KAZN: variants seen among roughly 807,000 people sequenced by gnomAD.
KAZN encodes kazrin, periplakin interacting protein.
Under a neutral mutation model 87.4 loss-of-function variants are expected in KAZN, and 40 were observed. The observed-to-expected ratio is 0.46, with a 90% confidence interval of 0.36 to 0.60. KAZN has a LOEUF of 0.60. KAZN is among the 20% of genes least tolerant of loss of function. The pLI is 0.00. For synonymous variants in KAZN, 466 were observed against 458.3 expected (o/e 1.02, Z -0.22); for missense variants, 898 against 1,073.9 (o/e 0.84, Z 2.29).
At chr1:13,954,167 GCA>G (rs1473388421) in intron 1 of KAZN, among the ~76,000 whole-genome samples, 1 of 152,174 alleles carries the variant, frequency 6.6e-6, no homozygotes, top group African/African-American at 2.4e-5. Flanking sequence ...TTGCGCCACT[GCA>G]CTCCAGCCTG....
At chr1:14,547,119 C>T (rs1311759196) in intron 2 of KAZN, among the ~76,000 whole-genome samples, 1 of 152,176 alleles carries the variant, frequency 6.6e-6, no homozygotes, top group Non-Finnish European at 1.5e-5. Flanking sequence ...CCTGCATCAG[C>T]CTCTTCCCCT....
chr1:14,406,184 G>A (rs1302198259), intron 2 of KAZN, among the ~76,000 whole-genome samples: 1 of 152,062 alleles, frequency 6.6e-6, no homozygotes, highest in East Asian at 1.9e-4. Flanking sequence ...CACATTGCGT[G>A]CCCGTCTCAA....
chr1:14,137,581 C>A (rs971361108), intron 1 of KAZN, among the ~76,000 whole-genome samples: 1 of 151,300 alleles, frequency 6.6e-6, no homozygotes, highest in African/African-American at 2.4e-5. Context: ...TCCTCATCTG[C>A]AAAATAAGAA....
chr1:13,897,352 A>ATG (rs1435550526), intron 1 of KAZN, among the ~76,000 whole-genome samples: 1 of 152,194 alleles, frequency 6.6e-6, no homozygotes, highest in Non-Finnish European at 1.5e-5. Flanking sequence ...TATGTGGCAC[A>ATG]ATGTGAAAGG....
At chr1:14,054,265 G>A (rs767583718) in intron 1 of KAZN, among the ~76,000 whole-genome samples, 19 of 152,088 alleles carry the variant, frequency 1.2e-4, no homozygotes, top group African/African-American at 7.2e-5. Flanking sequence ...CATACTTACT[G>A]TTATATTCAT....
At chr1:14,909,454 C>T (rs1175333729) in intron 1 of KAZN, among the ~76,000 whole-genome samples, 1 of 152,222 alleles carries the variant, frequency 6.6e-6, no homozygotes, top group Admixed American at 6.5e-5. Flanking sequence ...AATTTCCTCC[C>T]ACCTAACTCG....
At chr1:14,680,907 C>G (rs1386236893) in intron 1 of KAZN, among the ~76,000 whole-genome samples, 1 of 152,202 alleles carries the variant, frequency 6.6e-6, no homozygotes, top group African/African-American at 2.4e-5. Flanking sequence ...GTTCTGCAGG[C>G]TCTACAAGAA....
chr1:14,077,285 C>G (rs1451734431), intron 1 of KAZN, among the ~76,000 whole-genome samples: 1 of 152,164 alleles, frequency 6.6e-6, no homozygotes, highest in Non-Finnish European at 1.5e-5. Flanking sequence ...TGGGACTCTT[C>G]TCTCCTAAAA....
chr1:14,600,139 CA>C (rs1676843819), intron 1 of KAZN, among the ~76,000 whole-genome samples: 1 of 151,872 alleles, frequency 6.6e-6, no homozygotes, highest in South Asian at 2.1e-4. Context: ...CTTTAAGAAA[CA>C]GTATCACTGG....
intron 2 of KAZN, among the ~76,000 whole-genome samples, chr1:14,563,874 C>CCTTTTTTTTTTTTTTTTTT (rs1674392676): frequency 5.1e-5 from 5 of 97,930 alleles, no homozygotes; most frequent in Non-Finnish European, 8.1e-5. Context: ...GTTCAAACTC[C>CCTTTTTTTTTTTTTTTTTT]TTTTTTTTTT....
intron 1 of KAZN, among the ~76,000 whole-genome samples, chr1:14,132,008 A>G (rs999766970): frequency 1.1e-4 from 17 of 152,130 alleles, no homozygotes; most frequent in Admixed American, 3.9e-4. Context: ...AGAGCCTGAG[A>G]TTGAGATTTG....
At chr1:14,247,546 G>A (rs1455707342) in intron 2 of KAZN, among the ~76,000 whole-genome samples, 1 of 152,190 alleles carries the variant, frequency 6.6e-6, no homozygotes, top group Non-Finnish European at 1.5e-5. Context: ...GCATTAGTTT[G>A]CTGAGGATGA....
intron 2 of KAZN, among the ~76,000 whole-genome samples, chr1:14,233,534 G>A (rs1322378699): frequency 6.6e-6 from 1 of 152,160 alleles, no homozygotes; most frequent in African/African-American, 2.4e-5. Flanking sequence ...CCTAATACAG[G>A]TTAGCTCCCT....
chr1:14,722,369 T>C (rs2100295827), intron 1 of KAZN, among the ~76,000 whole-genome samples: 2 of 152,286 alleles, frequency 1.3e-5, no homozygotes, highest in Admixed American at 1.3e-4. Context: ...ATTACAGCAT[T>C]CTCAGGTCAT....
At chr1:14,625,026 C>T (rs1679024129) in intron 1 of KAZN, among the ~76,000 whole-genome samples, 1 of 152,008 alleles carries the variant, frequency 6.6e-6, no homozygotes, top group Non-Finnish European at 1.5e-5. Flanking sequence ...TGGTCTGTGC[C>T]AGAAACCAAA....
At chr1:15,071,259 T>G (rs78884433) in intron 8 of KAZN, among the ~76,000 whole-genome samples, 3,486 of 151,410 alleles carry the variant, frequency 0.023, 133 homozygotes, top group African/African-American at 0.081. Flanking sequence ...TTTTCTTTTT[T>G]TTTCTTTTTT....
chr1:14,150,308 C>T (rs1165116461), intron 1 of KAZN, among the ~76,000 whole-genome samples: 1 of 152,158 alleles, frequency 6.6e-6, no homozygotes, highest in African/African-American at 2.4e-5. Flanking sequence ...TATCTGGTAA[C>T]TTTATACAGC....
intron 2 of KAZN, among the ~76,000 whole-genome samples, chr1:14,232,228 G>C (rs1180873046): frequency 6.6e-6 from 1 of 152,158 alleles, no homozygotes; most frequent in Non-Finnish European, 1.5e-5. Context: ...AAGAAACAAA[G>C]TTTTAGGTAG....
chr1:14,474,143 TG>T (rs2148376148), intron 2 of KAZN, among the ~76,000 whole-genome samples: 1 of 152,304 alleles, frequency 6.6e-6, no homozygotes, highest in South Asian at 2.1e-4. Context: ...TAGAAGGTAG[TG>T]GGTGAGAAAT....
Sources: allele counts gnomAD v4.1 joint callset (sites outside exome capture counted in the v4.1 genomes callset), GRCh38; gene constraint gnomAD v4.1.1; transcripts MANE v1.5; gene names NCBI Gene and HGNC (gene_info 2026-07-23, HGNC 2026-07-21).